The following PLXDC2 variants were observed in gnomAD, a reference collection of about 807,000 sequenced individuals.
PLXDC2 encodes the protein plexin domain-containing protein 2.
PLXDC2 carries 40 observed loss-of-function variants against 68.9 expected under a neutral mutation model. The observed-to-expected ratio is 0.58, with a 90% CI of 0.45 to 0.76. The LOEUF is 0.76. PLXDC2 is among the 30% of genes least tolerant of loss of function. The pLI, the probability that PLXDC2 is intolerant of heterozygous loss-of-function variation, is 0.00. For missense variants in PLXDC2, 644 were observed against 661.9 expected (o/e 0.97, Z 0.30); for synonymous variants, 243 against 234.2 (o/e 1.04, Z -0.34).
chr10:20,204,050 G>A (rs952559395), intron 9 of PLXDC2, among the ~76,000 whole-genome samples: 5 of 152,030 alleles, frequency 3.3e-5, no homozygotes, highest in Non-Finnish European at 5.9e-5. Context: ...TCCCAGAGCA[G>A]TATATAATAA....
At chr10:20,009,280 G>A (rs1835072559) in intron 2 of PLXDC2, among the ~76,000 whole-genome samples, 1 of 152,196 alleles carries the variant, frequency 6.6e-6, no homozygotes, top group Non-Finnish European at 1.5e-5. Context: ...GAATGTGATA[G>A]TGTAGATTTT....
intron 1 of PLXDC2, among the ~76,000 whole-genome samples, chr10:19,840,956 T>C (rs528340369): frequency 2.6e-5 from 4 of 152,336 alleles, no homozygotes; most frequent in African/African-American, 9.6e-5. Flanking sequence ...ACAACATGAT[T>C]ACTGCCACCA....
chr10:19,863,327 C>G (rs1020631868), intron 1 of PLXDC2, among the ~76,000 whole-genome samples: 1 of 152,152 alleles, frequency 6.6e-6, no homozygotes, highest in Non-Finnish European at 1.5e-5. Context: ...GGGAATTGTT[C>G]AGAAACAGCT....
At chr10:20,052,722 C>CAAAAAAAAA (rs59776582) in intron 3 of PLXDC2, among the ~76,000 whole-genome samples, 20 of 92,690 alleles carry the variant, frequency 2.2e-4, no homozygotes, top group East Asian at 3.0e-4. Context: ...ACAAATTATG[C>CAAAAAAAAA]AAAAAAAAAA....
rs1288030650 is a variant in PLXDC2, at chr10:20,280,188, T to C, written c.*369T>C. Reference sequence around the variant, plus strand: ...TAATAAAGCTTTAGTTCATGAGGGATCGACACCTTTGGTTCAAATGTTCTC... The same window carrying C: ...TAATAAAGCTTTAGTTCATGAGGGACCGACACCTTTGGTTCAAATGTTCTC... On this transcript the variant is annotated 3_prime_UTR_variant, in exon 14 of 14. Coordinates refer to ENST00000377252, the MANE Select transcript of PLXDC2 (RefSeq NM_032812.9). 1 of 168,502 alleles carries C rather than the reference T, an allele frequency of 5.9e-6. No individual in the cohort carries two copies. The highest frequency in any genetic ancestry group is 6.2e-5 in the Admixed American group (1 of 16,212). 10.4% of individuals were successfully genotyped at this position (168,502 alleles called of 1,614,324 possible).
chr10:20,217,119 C>T (rs1835148261), intron 10 of PLXDC2, among the ~76,000 whole-genome samples: 2 of 152,178 alleles, frequency 1.3e-5, no homozygotes, highest in South Asian at 2.1e-4. Context: ...GACAGTGTGT[C>T]TTTTATAAAT....
chr10:19,830,184 C>T (rs1416381485), intron 1 of PLXDC2, among the ~76,000 whole-genome samples: 5 of 152,174 alleles, frequency 3.3e-5, no homozygotes, highest in Non-Finnish European at 2.9e-5. Context: ...AGGAGTCCAA[C>T]TGGGAAACAC....
At chr10:19,838,207 C>T (rs2131315482) in intron 1 of PLXDC2, among the ~76,000 whole-genome samples, 1 of 152,036 alleles carries the variant, frequency 6.6e-6, no homozygotes, top group South Asian at 2.1e-4. Flanking sequence ...TAGCAGTCCT[C>T]TCACCTAGGC....
intron 13 of PLXDC2, among the ~76,000 whole-genome samples, chr10:20,275,504 G>A (rs1056764666): frequency 6.6e-6 from 1 of 152,174 alleles, no homozygotes; most frequent in Non-Finnish European, 1.5e-5. Context: ...GGGAGCGCAC[G>A]CAAGCAAGGA....
intron 9 of PLXDC2, among the ~76,000 whole-genome samples, chr10:20,199,208 A>G (rs1257681920): frequency 6.6e-6 from 1 of 152,042 alleles, no homozygotes; most frequent in African/African-American, 2.4e-5. Context: ...GATGGAAAAA[A>G]TATTTGATAA....
At chr10:19,952,261 C>T (rs1317891811) in intron 1 of PLXDC2, among the ~76,000 whole-genome samples, 2 of 152,154 alleles carry the variant, frequency 1.3e-5, no homozygotes, top group Non-Finnish European at 1.5e-5. Flanking sequence ...CAAGAGATAT[C>T]TCTCCGTCCG....
chr10:20,264,084 A>G (rs956826189), intron 13 of PLXDC2, among the ~76,000 whole-genome samples: 1 of 151,360 alleles, frequency 6.6e-6, no homozygotes, highest in African/African-American at 2.4e-5. Context: ...TCAATGACAC[A>G]CTGGATAAAG....
intron 1 of PLXDC2, among the ~76,000 whole-genome samples, chr10:19,899,592 A>G (rs953186477): frequency 3.9e-5 from 6 of 152,226 alleles, no homozygotes; most frequent in Non-Finnish European, 8.8e-5. Flanking sequence ...AAAAAGGATC[A>G]ATAGTTTGCT....
intron 1 of PLXDC2, among the ~76,000 whole-genome samples, chr10:19,875,216 C>T (rs903624604): frequency 9.9e-5 from 15 of 152,070 alleles, no homozygotes; most frequent in Admixed American, 5.2e-4. Flanking sequence ...TTTAGTTTTT[C>T]GGTTAATGTT....
At chr10:19,949,341 A>T (rs1280639627) in intron 1 of PLXDC2, among the ~76,000 whole-genome samples, 4 of 152,052 alleles carry the variant, frequency 2.6e-5, no homozygotes, top group African/African-American at 9.7e-5. Context: ...CTGGGAAAAA[A>T]ATTCTGATGT....
intron 3 of PLXDC2, among the ~76,000 whole-genome samples, chr10:20,056,595 T>C (rs992303269): frequency 6.6e-6 from 1 of 152,218 alleles, no homozygotes; most frequent in Non-Finnish European, 1.5e-5. Flanking sequence ...GGAAAGGACT[T>C]TGGAGAGCCT....
intron 10 of PLXDC2, among the ~76,000 whole-genome samples, chr10:20,216,483 A>G (rs751387939): frequency 2.0e-5 from 3 of 152,174 alleles, no homozygotes; most frequent in African/African-American, 7.2e-5. Flanking sequence ...TTCATATCCT[A>G]TTAATGAAAA....
chr10:19,884,802 G>A (rs1336560181), intron 1 of PLXDC2, among the ~76,000 whole-genome samples: 32 of 152,108 alleles, frequency 2.1e-4, no homozygotes, highest in African/African-American at 4.6e-4. Flanking sequence ...GAATAGTGCC[G>A]CAGTAAATAT....
At chr10:20,012,603 C>T (rs1400670761) in intron 2 of PLXDC2, among the ~76,000 whole-genome samples, 2 of 151,494 alleles carry the variant, frequency 1.3e-5, no homozygotes, top group South Asian at 2.1e-4. Flanking sequence ...TGGGATTATA[C>T]GCGTCAACCA....
Sources: allele counts gnomAD v4.1 joint callset (sites outside exome capture counted in the v4.1 genomes callset), GRCh38; gene constraint gnomAD v4.1.1; transcripts MANE v1.5; gene names NCBI Gene and HGNC (gene_info 2026-07-23, HGNC 2026-07-21).